Variants in FMNL2 observed in about 807,000 individuals in gnomAD.
FMNL2 encodes formin-like protein 2.
FMNL2 carries 51 observed loss-of-function variants against 130.2 expected under a neutral mutation model. The ratio of observed to expected loss-of-function variants is 0.39; its 90% confidence interval spans 0.31 to 0.49. The LOEUF (loss-of-function observed/expected upper bound fraction) is 0.49, where lower values mean the gene tolerates loss of function less well. Ranked by LOEUF, FMNL2 falls within the 20% of genes least tolerant of loss-of-function variation. The pLI is 0.85. For missense variants in FMNL2, 977 were observed against 1,316.2 expected, an observed-to-expected ratio of 0.74 and a Z score of 3.99; for synonymous variants, 465 against 467.1, an observed-to-expected ratio of 1.00 and a Z score of 0.06.
chr2:152,561,809 C>G (rs1320900361), intron 6 of FMNL2, among the ~76,000 whole-genome samples: 2 of 152,150 alleles, frequency 1.3e-5, no homozygotes, highest in Non-Finnish European at 2.9e-5. Flanking sequence ...AACTCCTGAC[C>G]TCAGGTGATC....
Position 152,621,976 on chromosome 2 carries a change from C to T in FMNL2, c.1837+2258C>T, listed in dbSNP as rs78061414. On this transcript the variant is annotated intron_variant, in intron 15 of 25. Transcript: ENST00000288670. The stretch of plus-strand genomic sequence containing the variant: ...GCAGGTGTGTTCTTGGAGACCAAGA[C>T]AGAAGACCAAGAGGAGAGCCCCATA... Among the ~76,000 whole-genome samples the T allele has an allele frequency of 5.2e-3, 796 of 152,296 alleles. 10 individuals are homozygous for T. Among genetic ancestry groups the T allele is most frequent in the Non-Finnish European group, 9.1e-3 (618 of 68,028 alleles).
intron 1 of FMNL2, among the ~76,000 whole-genome samples, chr2:152,375,897 A>ATATAT (rs1553871972): frequency 8.3e-6 from 1 of 119,882 alleles, no homozygotes; most frequent in African/African-American, 3.1e-5. Context: ...ATATATATAT[A>ATATAT]ATTATTATTA....
intron 1 of FMNL2, among the ~76,000 whole-genome samples, chr2:152,363,654 T>A (rs1296844715): frequency 6.6e-6 from 1 of 152,108 alleles, no homozygotes; most frequent in East Asian, 1.9e-4. Flanking sequence ...TTCCGCTTCC[T>A]GGGTTCAAGT....
intron 1 of FMNL2, among the ~76,000 whole-genome samples, chr2:152,494,962 A>C (rs1463574022): frequency 6.6e-6 from 1 of 152,206 alleles, no homozygotes. Flanking sequence ...AAATAGAACT[A>C]CTAACACTTG....
At chr2:152,641,980 G>A (rs1310895845) in intron 25 of FMNL2, among the ~76,000 whole-genome samples, 1 of 149,500 alleles carries the variant, frequency 6.7e-6, no homozygotes, top group African/African-American at 2.5e-5. Flanking sequence ...TCATTCTGTT[G>A]CCCAGGCTGG....
chr2:152,525,896 T>C (rs1009776952), intron 2 of FMNL2, among the ~76,000 whole-genome samples: 1 of 152,192 alleles, frequency 6.6e-6, no homozygotes. Context: ...CCATACCATA[T>C]ACATGTATTT....
At chr2:152,579,017 G>A in intron 8 of FMNL2, 53 bp downstream of exon 8, 2 of 1,438,696 alleles carry the variant, frequency 1.4e-6, no homozygotes, top group Non-Finnish European at 1.9e-6. Context: ...AAAACAGAGG[G>A]CTAGTCAACA....
At chr2:152,558,690 G>A in intron 4 of FMNL2, 50 bp from the exon 5 acceptor site, 2 of 1,516,446 alleles carry the variant, frequency 1.3e-6, no homozygotes, top group Non-Finnish European at 1.8e-6. Context: ...TTCCATGGCA[G>A]GTCATGTGAT....
At chr2:152,643,422 T>C in intron 25 of FMNL2, 1 of 1,536,188 alleles carries the variant, frequency 6.5e-7, no homozygotes, top group Non-Finnish European at 8.7e-7. Context: ...AATGCAGTGC[T>C]GAAGACTGTG....
chr2:152,643,870 T>C, intron 25 of FMNL2: 1 of 985,434 alleles, frequency 1.0e-6, no homozygotes, highest in Non-Finnish European at 1.2e-6. Context: ...ATAAGATTTT[T>C]GAGCTAATGT....
Position 152,350,965 on chromosome 2 carries a change from AAC to A in FMNL2, c.117+15246_117+15247del, listed in dbSNP as rs1266311361. On this transcript the variant is annotated intron_variant, in intron 1 of 25. Coordinates refer to ENST00000288670, the MANE Select transcript of FMNL2 (RefSeq NM_052905.4). The stretch of plus-strand genomic sequence containing the variant: ...GAGGCTGAGGCAGGAGAATCGCTTG[AAC>A]CTGGGAGGCGGAGGCTGCAGTGAGC... 2.6e-5 allele frequency among the ~76,000 whole-genome samples: 4 copies of A among 152,232 alleles called. No individual in the cohort carries two copies. In the East Asian group the frequency reaches 7.7e-4, roughly 29 times the overall value.
Position 152,580,992 on chromosome 2 carries a change from T to G in FMNL2, c.819T>G (p.Val273=). ...TTGTCTTAGAACTGTTGGCAGCCGT[T>G]TGTCTTGTCAGAGGCGGGCATGAAA... ...KALVLELLAA[V]CLVRGGHEII... The change falls in exon 9 of 26, where the codon GTT becomes GTG. Residue 273 remains valine, a synonymous_variant. Coordinates refer to ENST00000288670, the MANE Select transcript of FMNL2 (RefSeq NM_052905.4). 1 of 1,613,938 alleles carries G rather than the reference T, an allele frequency of 6.2e-7. No homozygotes were observed. Among genetic ancestry groups the G allele is most frequent in the Non-Finnish European group, 8.5e-7 (1 of 1,179,840 alleles).
intron 17 of FMNL2, among the ~76,000 whole-genome samples, chr2:152,627,941 G>A (rs895708980): frequency 1.3e-5 from 2 of 152,208 alleles, no homozygotes; most frequent in South Asian, 2.1e-4. Flanking sequence ...TGTCAACTAT[G>A]TGCTTGAACC....
intron 1 of FMNL2, among the ~76,000 whole-genome samples, chr2:152,429,330 A>G (rs1039140132): frequency 1.3e-5 from 2 of 151,890 alleles, no homozygotes; most frequent in African/African-American, 4.8e-5. Context: ...CCTGCCTTAC[A>G]TTGTGTGTAA....
intron 1 of FMNL2, among the ~76,000 whole-genome samples, chr2:152,382,160 G>A (rs1046891086): frequency 6.6e-6 from 1 of 152,106 alleles, no homozygotes; most frequent in Non-Finnish European, 1.5e-5. Flanking sequence ...TTAATAGGAG[G>A]TAAATATACT....
chr2:152,388,773 G>A (rs531928652), intron 1 of FMNL2, among the ~76,000 whole-genome samples: 17 of 152,312 alleles, frequency 1.1e-4, no homozygotes, highest in African/African-American at 4.1e-4. Context: ...AAAGAAGTTA[G>A]TGTCTCTTTT....
At chr2:152,368,473 T>A (rs1277012111) in intron 1 of FMNL2, among the ~76,000 whole-genome samples, 1 of 152,042 alleles carries the variant, frequency 6.6e-6, no homozygotes, top group East Asian at 1.9e-4. Context: ...AAAAGTTTTT[T>A]TTTTTAAGCA....
chr2:152,380,042 T>C (rs1247493311), intron 1 of FMNL2, among the ~76,000 whole-genome samples: 1 of 152,208 alleles, frequency 6.6e-6, no homozygotes, highest in East Asian at 1.9e-4. Flanking sequence ...GGGGCTACTC[T>C]TTCAACATGG....
At chr2:152,419,010 G>A (rs189506450) in intron 1 of FMNL2, among the ~76,000 whole-genome samples, 3 of 151,122 alleles carry the variant, frequency 2.0e-5, no homozygotes, top group Non-Finnish European at 1.5e-5. Flanking sequence ...TCATTCTGAT[G>A]GGTATGAAAC....
Sources: allele counts gnomAD v4.1 joint callset (sites outside exome capture counted in the v4.1 genomes callset), GRCh38; gene constraint gnomAD v4.1.1; transcripts MANE v1.5; gene names NCBI Gene and HGNC (gene_info 2026-07-23, HGNC 2026-07-21).